GFRA1: variants seen among roughly 807,000 people sequenced by gnomAD.
The protein encoded by GFRA1 is GDNF family receptor alpha-1.
A neutral mutation model predicts 51.6 loss-of-function variants in GFRA1; 16 were observed. The ratio of observed to expected loss-of-function variants is 0.31; its 90% confidence interval spans 0.21 to 0.47. GFRA1 has a LOEUF of 0.47. Ranked by LOEUF, GFRA1 falls within the 20% of genes least tolerant of loss-of-function variation. The probability of loss-of-function intolerance (pLI) is 1.00; values close to 1 mark genes in which losing one functional copy is unlikely to be tolerated. For missense variants in GFRA1, 530 were observed against 594.3 expected (o/e 0.89, Z 1.13); for synonymous variants, 270 against 241.3 (o/e 1.12, Z -1.10).
chr10:116,217,910 T>C (rs1589881859), intron 4 of GFRA1, among the ~76,000 whole-genome samples: 1 of 152,344 alleles, frequency 6.6e-6, no homozygotes, highest in East Asian at 1.9e-4. Context: ...GATTGTCTAC[T>C]ATTTGAAAAA....
chr10:116,201,467 T>C (rs2577380), intron 5 of GFRA1, among the ~76,000 whole-genome samples: 48,626 of 151,930 alleles, frequency 0.32, 9,339 homozygotes, highest in African/African-American at 0.54. Context: ...AAAACAACAC[T>C]ATACTTGTTT....
At chr10:116,194,158 C>T (rs1963534062) in intron 5 of GFRA1, among the ~76,000 whole-genome samples, 1 of 151,562 alleles carries the variant, frequency 6.6e-6, no homozygotes. Context: ...AGTCTCTTGA[C>T]CTGCTGAATA....
At chr10:116,102,416 T>G (rs1222924227) in intron 6 of GFRA1, among the ~76,000 whole-genome samples, 4 of 152,172 alleles carry the variant, frequency 2.6e-5, no homozygotes, top group Non-Finnish European at 1.5e-5. Flanking sequence ...TAGGCCCCCC[T>G]TTATAAAGGA....
At chr10:116,251,522 C>A (rs1358076182) in intron 4 of GFRA1, among the ~76,000 whole-genome samples, 1 of 152,120 alleles carries the variant, frequency 6.6e-6, no homozygotes, top group African/African-American at 2.4e-5. Context: ...CTCTGCTTTA[C>A]CAGAGAGGAA....
chr10:116,172,314 C>T (rs1248345921), intron 5 of GFRA1, among the ~76,000 whole-genome samples: 3 of 152,080 alleles, frequency 2.0e-5, no homozygotes, highest in African/African-American at 7.2e-5. Flanking sequence ...CCCACCTACT[C>T]GGGAAATATT....
At chr10:116,196,560 CTATATATAA>C (rs879546015) in intron 5 of GFRA1, among the ~76,000 whole-genome samples, 15,773 of 88,304 alleles carry the variant, frequency 0.18, 2,713 homozygotes, top group Admixed American at 0.3. Context: ...TTTATATATA[CTATATATAA>C]TATATATAAT....
chr10:116,226,890 A>G (rs1297941645), intron 4 of GFRA1: 2 of 191,348 alleles, frequency 1.0e-5, no homozygotes, highest in African/African-American at 2.3e-5. Flanking sequence ...GCAGTTCACA[A>G]AAGGGTTCGC....
At chr10:116,132,507 CTT>C (rs376507316) in intron 5 of GFRA1, among the ~76,000 whole-genome samples, 56 of 152,060 alleles carry the variant, frequency 3.7e-4, no homozygotes, top group African/African-American at 1.3e-3. Context: ...TATTATTACT[CTT>C]TTCAAAAAGT....
At chr10:116,181,725 C>T (rs1962243810) in intron 5 of GFRA1, among the ~76,000 whole-genome samples, 1 of 151,972 alleles carries the variant, frequency 6.6e-6, no homozygotes, top group Admixed American at 6.6e-5. Context: ...GCAAGCTTCG[C>T]CTCCCAGGTT....
At chr10:116,095,555 T>C (rs1192380151) in intron 7 of GFRA1, among the ~76,000 whole-genome samples, 1 of 152,104 alleles carries the variant, frequency 6.6e-6, no homozygotes, top group Admixed American at 6.5e-5. Flanking sequence ...TCAATAAAAA[T>C]AGAAAATACT....
At chr10:116,096,801 G>A (rs752256688) in intron 6 of GFRA1, 37 bp from the exon 7 acceptor site, 22 of 1,145,382 alleles carry the variant, frequency 1.9e-5, no homozygotes, top group Non-Finnish European at 2.8e-5. Context: ...GTGGAAATGT[G>A]CTTTAAAACA....
chr10:116,191,112 A>G (rs550189954), intron 5 of GFRA1, among the ~76,000 whole-genome samples: 6 of 152,316 alleles, frequency 3.9e-5, no homozygotes, highest in Admixed American at 1.3e-4. Flanking sequence ...TTAAAAAGCA[A>G]TATTACAAGC....
Position 116,212,362 on chromosome 10 carries a change from A to C in GFRA1, c.419-717T>G, listed in dbSNP as rs558110486. Among the ~76,000 whole-genome samples the C allele has an allele frequency of 2.6e-5, 4 of 152,024 alleles. No homozygotes were observed. The East Asian group carries it at 7.7e-4, about 29-fold the overall frequency. On this transcript the variant is annotated intron_variant, in intron 4 of 10. Transcript: ENST00000355422. ...TGGTGAAACCCCATCTCTACTAAAA[A>C]TACAAAAATTAGCCAGACGCAGTGG... is the stretch of plus-strand genomic sequence containing the variant.
At chr10:116,083,265 TTCCCGGA>T (rs1051617072) in intron 9 of GFRA1, among the ~76,000 whole-genome samples, 154 of 152,304 alleles carry the variant, frequency 1.0e-3, no homozygotes, top group African/African-American at 3.5e-3. Context: ...GTGAACCCCC[TTCCCGGA>T]GCCAGGAGTC....
intron 5 of GFRA1, among the ~76,000 whole-genome samples, chr10:116,185,510 A>G (rs1173926114): frequency 1.3e-5 from 2 of 152,142 alleles, no homozygotes; most frequent in Admixed American, 1.3e-4. Flanking sequence ...CAAGCTGCCC[A>G]GCCTGTTTAC....
chr10:116,071,108 C>T (rs1259434723), intron 9 of GFRA1, among the ~76,000 whole-genome samples: 1 of 152,186 alleles, frequency 6.6e-6, no homozygotes, highest in Non-Finnish European at 1.5e-5. Flanking sequence ...TTGCCAAGCC[C>T]CACGGACCCT....
At chr10:116,096,094 G>A (rs1010805518) in intron 7 of GFRA1, among the ~76,000 whole-genome samples, 7 of 152,030 alleles carry the variant, frequency 4.6e-5, no homozygotes, top group African/African-American at 1.7e-4. Context: ...AGAAAATACG[G>A]TTACTGCTAT....
At chr10:116,259,064 C>T (rs1407631892) in intron 4 of GFRA1, among the ~76,000 whole-genome samples, 1 of 152,206 alleles carries the variant, frequency 6.6e-6, no homozygotes, top group Non-Finnish European at 1.5e-5. Context: ...CGCGTAGTAA[C>T]AGAAATTAAT....
rs1966840863 is a variant in GFRA1, at chr10:116,234,191, T to G, written c.419-22546A>C. On this transcript the variant is annotated intron_variant, in intron 4 of 10. Transcript: ENST00000355422. Reference sequence around the variant, plus strand: ...AGGAAAATAGCTAGAAGAGTTTGCCTTTTTTCCCCCTTCAGTGAAACTTTT... The same window carrying G: ...AGGAAAATAGCTAGAAGAGTTTGCCGTTTTTCCCCCTTCAGTGAAACTTTT... 2.0e-5 allele frequency among the ~76,000 whole-genome samples: 3 copies of G among 152,180 alleles called. No homozygotes were observed. The South Asian group carries it at 6.2e-4, about 32-fold the overall frequency.
Sources: allele counts gnomAD v4.1 joint callset (sites outside exome capture counted in the v4.1 genomes callset), GRCh38; gene constraint gnomAD v4.1.1; transcripts MANE v1.5; gene names NCBI Gene and HGNC (gene_info 2026-07-23, HGNC 2026-07-21).